The following SYT2 variants were observed in gnomAD, a reference collection of about 807,000 sequenced individuals.
SYT2 encodes the protein synaptotagmin 2.
Under a neutral mutation model 39.9 loss-of-function variants are expected in SYT2, and 15 were observed. The ratio of observed to expected loss-of-function variants is 0.38; its 90% CI spans 0.25 to 0.58. SYT2 has a LOEUF of 0.58. SYT2 is among the 20% of genes least tolerant of loss of function. The pLI is 0.70. For missense variants in SYT2, 389 were observed against 530.3 expected (o/e 0.73, Z 2.62); for synonymous variants, 181 against 204.5 (o/e 0.89, Z 0.98).
chr1:202,647,718 C>T (rs1572656461), intron 1 of SYT2, among the ~76,000 whole-genome samples: 1 of 152,318 alleles, frequency 6.6e-6, no homozygotes, highest in Non-Finnish European at 1.5e-5. Flanking sequence ...CAGTTATTCC[C>T]TTCCAGAAAC....
chr1:202,644,010 T>C (rs768020830), intron 1 of SYT2, among the ~76,000 whole-genome samples: 6 of 151,996 alleles, frequency 3.9e-5, no homozygotes, highest in Non-Finnish European at 8.8e-5. Context: ...GGATGAAGGT[T>C]TTCCTGAGTC....
rs1690318329 is a variant in SYT2, at chr1:202,596,912, C to T, written c.1105G>A (p.Glu369Lys). Residue 369 changes from glutamate to lysine, a missense_variant, in exon 9 of 9, where the codon GAA (glutamate) becomes AAA (lysine). Physicochemically the swap from Glu to Lys is moderately conservative, Grantham distance 56. Transcript: ENST00000367268. ...CCCACGAAGATCTTGCCTATGGCTT[C>T]GTTCTTGCCCAGCTTGTCATAGTCC... is the stretch of plus-strand genomic sequence containing the variant. ...VLDYDKLGKN[E>K]AIGKIFVGSN... 1.9e-6 allele frequency: 3 copies of T among 1,614,224 alleles called. No homozygotes were observed. The highest frequency in any genetic ancestry group is 2.5e-6 in the Non-Finnish European group (3 of 1,180,050).
At chr1:202,643,096 T>C (rs531185606) in intron 1 of SYT2, among the ~76,000 whole-genome samples, 1 of 152,360 alleles carries the variant, frequency 6.6e-6, no homozygotes, top group East Asian at 1.9e-4. Flanking sequence ...GGCTCAGTCC[T>C]ACCTACTCTT....
chr1:202,630,390 G>A, intron 1 of SYT2: 1 of 985,348 alleles, frequency 1.0e-6, no homozygotes, highest in Non-Finnish European at 1.2e-6. Context: ...GCTTTCCCAT[G>A]ATGCACAGGC....
intron 1 of SYT2, among the ~76,000 whole-genome samples, chr1:202,673,661 C>T (rs1354502910): frequency 1.3e-5 from 2 of 152,230 alleles, no homozygotes; most frequent in Non-Finnish European, 2.9e-5. Flanking sequence ...GCCCGCACAC[C>T]CAGCTCCTTT....
chr1:202,699,565 G>A (rs564756178), intron 1 of SYT2, among the ~76,000 whole-genome samples: 3 of 152,274 alleles, frequency 2.0e-5, no homozygotes, highest in Admixed American at 1.3e-4. Context: ...ATTTTTCTCT[G>A]TAAATAGGGG....
rs182729918 is a variant in SYT2 at position 202,620,148 on chromosome 1, G to T, written c.-17-14359C>A. 1.4e-4 allele frequency among the ~76,000 whole-genome samples: 21 copies of T among 152,354 alleles called. No individual in the cohort carries two copies. The South Asian group carries it at 4.3e-3, about 32-fold the overall frequency. On this transcript the variant is annotated intron_variant, in intron 1 of 8. Coordinates refer to ENST00000367268, the MANE Select transcript of SYT2 (RefSeq NM_177402.5). ...AACAAGGTCACTAAACAGAATCCAC[G>T]CAGGAATTCCCTTCTCTCCCTGGTC...
At chr1:202,616,219 C>T (rs1691027697) in intron 1 of SYT2, among the ~76,000 whole-genome samples, 1 of 152,190 alleles carries the variant, frequency 6.6e-6, no homozygotes, top group Admixed American at 6.5e-5. Flanking sequence ...CTCAAAATGT[C>T]CCAACCTTGG....
chr1:202,707,566 T>C (rs1345239158), intron 1 of SYT2, among the ~76,000 whole-genome samples: 2 of 152,124 alleles, frequency 1.3e-5, no homozygotes, highest in Non-Finnish European at 2.9e-5. Context: ...CCTTAAGTCC[T>C]CCACGAGGAT....
chr1:202,686,217 G>C (rs1343359635), intron 1 of SYT2, among the ~76,000 whole-genome samples: 3 of 152,192 alleles, frequency 2.0e-5, no homozygotes, highest in Admixed American at 2.0e-4. Context: ...GCCAGAAACT[G>C]ATGCTGTCCC....
intron 1 of SYT2, among the ~76,000 whole-genome samples, chr1:202,706,006 T>C (rs942773844): frequency 2.6e-5 from 4 of 152,150 alleles, no homozygotes; most frequent in Non-Finnish European, 5.9e-5. Flanking sequence ...GGAGTCCTTC[T>C]GGATGTTTAA....
intron 1 of SYT2, among the ~76,000 whole-genome samples, chr1:202,605,996 A>ATT (rs796600519): frequency 6.7e-6 from 1 of 148,356 alleles, no homozygotes; most frequent in African/African-American, 2.5e-5. Context: ...ATCTTTAGAA[A>ATT]TTTTTTTTTT....
At chr1:202,662,793 A>G (rs1392325386) in intron 1 of SYT2, among the ~76,000 whole-genome samples, 3 of 152,226 alleles carry the variant, frequency 2.0e-5, no homozygotes, top group Non-Finnish European at 4.4e-5. Context: ...CCTCAGGATC[A>G]TCACCTGTAA....
rs1470146149 is a variant in SYT2 at position 202,710,332 on chromosome 1, T to C, written c.-92A>G. The C allele has an allele frequency of 6.6e-6, 1 of 152,274 alleles. No homozygotes were observed. The highest frequency in any genetic ancestry group is 1.5e-5 in the Non-Finnish European group (1 of 68,110). The allele number at this position is 152,274 out of a possible 1,614,324, so 9.4% of individuals were successfully genotyped here. ...GGGGGCGTCGGACGGCAAGGACGCG[T>C]GGCTGGCGACGGTTTCGCAGGGGCG... On this transcript the variant is annotated 5_prime_UTR_variant, in exon 1 of 9. Transcript: ENST00000367268.
rs369469224 is a variant in SYT2 at position 202,644,729 on chromosome 1, T to TGGG, written c.-17-38943_-17-38941dup. On this transcript the variant is annotated intron_variant, in intron 1 of 8. Coordinates refer to ENST00000367268, the MANE Select transcript of SYT2 (RefSeq NM_177402.5). ...ACAAAAATCCAGTGTGCATGTGTGT[T>TGGG]GGGGGGGGCAGTCACTCAGGGCTTT... 1.5e-4 allele frequency among the ~76,000 whole-genome samples: 22 copies of TGGG among 150,758 alleles called. 1 individual carries two copies. The East Asian group carries it at 4.1e-3, about 28-fold the overall frequency.
chr1:202,679,741 G>A (rs139233579), intron 1 of SYT2, among the ~76,000 whole-genome samples: 92 of 152,208 alleles, frequency 6.0e-4, no homozygotes, highest in Middle Eastern at 3.4e-3. Flanking sequence ...TCATGTCCCT[G>A]CTTAATATCC....
At chr1:202,609,197 G>T (rs1471266800) in intron 1 of SYT2, among the ~76,000 whole-genome samples, 1 of 151,834 alleles carries the variant, frequency 6.6e-6, no homozygotes, top group African/African-American at 2.4e-5. Flanking sequence ...TCCCTACAAA[G>T]GACATGAACT....
chr1:202,605,164 T>C (rs1333306926), intron 2 of SYT2: 3 of 167,490 alleles, frequency 1.8e-5, no homozygotes, highest in Admixed American at 5.8e-5. Flanking sequence ...CTCCCGCCAG[T>C]GTGGCTGCTC....
At chr1:202,638,291 A>G (rs573718064) in intron 1 of SYT2, among the ~76,000 whole-genome samples, 68 of 147,678 alleles carry the variant, frequency 4.6e-4, no homozygotes, top group Non-Finnish European at 7.3e-4. Context: ...AGAAAAAAGG[A>G]GCAGCATGTG....
Sources: allele counts gnomAD v4.1 joint callset (sites outside exome capture counted in the v4.1 genomes callset), GRCh38; gene constraint gnomAD v4.1.1; transcripts MANE v1.5; gene names NCBI Gene and HGNC (gene_info 2026-07-23, HGNC 2026-07-21).